The following COP1 variants were observed in gnomAD, a reference collection of about 807,000 sequenced individuals.
The protein encoded by COP1 is E3 ubiquitin-protein ligase COP1.
COP1 carries 24 observed loss-of-function variants against 101.3 expected under a neutral mutation model. That is an observed-to-expected ratio of 0.24 (90% confidence interval 0.17 to 0.33). The LOEUF (loss-of-function observed/expected upper bound fraction) is 0.33, where lower values mean the gene tolerates loss of function less well. COP1 is among the 10% of genes least tolerant of loss of function. COP1 has a pLI of 1.00. For missense variants in COP1, 663 were observed against 906.2 expected, an observed-to-expected ratio of 0.73 and a Z score of 3.45; for synonymous variants, 347 against 341.9, an observed-to-expected ratio of 1.01 and a Z score of -0.17.
chr1:176,151,877 A>G (rs558918232), intron 5 of COP1, among the ~76,000 whole-genome samples: 8 of 152,114 alleles, frequency 5.3e-5, no homozygotes, highest in African/African-American at 1.4e-4. Flanking sequence ...TTTAGTTAGC[A>G]TAAGTTCATC....
At chr1:176,181,715 C>T (rs1274108126) in intron 2 of COP1, among the ~76,000 whole-genome samples, 2 of 152,012 alleles carry the variant, frequency 1.3e-5, no homozygotes, top group Admixed American at 6.5e-5. Flanking sequence ...GTGGCACACG[C>T]CTGTAATCCC....
chr1:176,078,175 T>C (rs890395238), intron 11 of COP1, among the ~76,000 whole-genome samples: 1 of 152,070 alleles, frequency 6.6e-6, no homozygotes, highest in African/African-American at 2.4e-5. Context: ...AAAAAAGAGC[T>C]TGAATGGCCA....
chr1:176,077,025 T>C (rs981320838), intron 11 of COP1, among the ~76,000 whole-genome samples: 1 of 152,144 alleles, frequency 6.6e-6, no homozygotes, highest in Admixed American at 6.5e-5. Flanking sequence ...CTGGACCAGA[T>C]GATTCACAGA....
chr1:175,999,398 G>T (rs369680816), intron 15 of COP1, among the ~76,000 whole-genome samples: 2 of 152,032 alleles, frequency 1.3e-5, no homozygotes, highest in African/African-American at 2.4e-5. Flanking sequence ...TTTACATAAT[G>T]ATCTCCAGTT....
intron 16 of COP1, 136 bp from the exon 17 acceptor site, chr1:175,988,548 G>C (rs1350616985): frequency 3.7e-6 from 3 of 806,092 alleles, no homozygotes; most frequent in Non-Finnish European, 3.7e-6. Context: ...ACGTTCATCT[G>C]TCGGCCAGGC....
intron 3 of COP1, among the ~76,000 whole-genome samples, chr1:176,171,471 A>C (rs149786709): frequency 6.6e-6 from 1 of 152,328 alleles, no homozygotes; most frequent in East Asian, 1.9e-4. Context: ...AACTTTCTCC[A>C]TATCAGCAAT....
chr1:176,096,054 T>A (rs1269444849), intron 9 of COP1, among the ~76,000 whole-genome samples: 1 of 152,186 alleles, frequency 6.6e-6, no homozygotes, highest in Admixed American at 6.5e-5. Context: ...TTTTCCTTTT[T>A]ACCCAATAAA....
intron 18 of COP1, among the ~76,000 whole-genome samples, chr1:175,978,210 C>T (rs1450539396): frequency 1.3e-5 from 2 of 152,030 alleles, no homozygotes; most frequent in African/African-American, 2.4e-5. Context: ...TTGGCATACA[C>T]AGAACACTCT....
intron 14 of COP1, among the ~76,000 whole-genome samples, chr1:176,035,710 C>CAAAAAAAAAAAAAAAAAAAAAAAGAAA (rs71129541): frequency 1.4e-5 from 1 of 73,110 alleles, no homozygotes; most frequent in Non-Finnish European, 2.5e-5. Context: ...AAAACGAGAC[C>CAAAAAAAAAAAAAAAAAAAAAAAGAAA]AAAAAAAAAA....
chr1:176,165,559 G>A (rs1299671951), intron 3 of COP1, among the ~76,000 whole-genome samples: 1 of 152,066 alleles, frequency 6.6e-6, no homozygotes, highest in East Asian at 1.9e-4. Flanking sequence ...GCCTGACATG[G>A]TGGCACGTGC....
chr1:176,056,244 T>C (rs1328725814), intron 11 of COP1, among the ~76,000 whole-genome samples: 1 of 152,232 alleles, frequency 6.6e-6, no homozygotes, highest in African/African-American at 2.4e-5. Flanking sequence ...CCATGGACAA[T>C]TTAAAAGAAG....
chr1:176,012,123 GCAGTGTGTTAA>G (rs1384287250), intron 15 of COP1, among the ~76,000 whole-genome samples: 3 of 152,212 alleles, frequency 2.0e-5, no homozygotes, highest in Admixed American at 6.5e-5. Flanking sequence ...GTTTGAAGCT[GCAGTGTGTTAA>G]CACTGTGCCT....
chr1:175,962,201 C>T (rs1651460544), intron 18 of COP1, among the ~76,000 whole-genome samples: 2 of 152,070 alleles, frequency 1.3e-5, no homozygotes, highest in African/African-American at 2.4e-5. Flanking sequence ...CTGAAAGCAA[C>T]TGAGGAGAGC....
chr1:176,112,331 A>G, intron 9 of COP1, among the ~76,000 whole-genome samples: 1 of 150,664 alleles, frequency 6.6e-6, no homozygotes, highest in African/African-American at 2.4e-5. Flanking sequence ...TTATTATTAT[A>G]CTTTAAGTTT....
At chr1:176,012,423 G>A (rs1279657731) in intron 15 of COP1, among the ~76,000 whole-genome samples, 1 of 152,142 alleles carries the variant, frequency 6.6e-6, no homozygotes, top group Non-Finnish European at 1.5e-5. Flanking sequence ...ACCGCACCCA[G>A]CCAAGCTAAG....
At chr1:176,014,998 G>T (rs1368819218) in intron 15 of COP1, among the ~76,000 whole-genome samples, 1 of 152,118 alleles carries the variant, frequency 6.6e-6, no homozygotes, top group Non-Finnish European at 1.5e-5. Flanking sequence ...ATAACAATGA[G>T]ACAGAGAGGA....
chr1:175,997,456 T>C (rs1157440905), intron 15 of COP1, among the ~76,000 whole-genome samples: 76 of 151,910 alleles, frequency 5.0e-4, no homozygotes, highest in African/African-American at 1.4e-3. Context: ...TCAGAGTGAA[T>C]AGGCAACCTA....
rs529440299 is a variant in COP1, at chr1:175,992,460, AG to A, written c.1730-2982del. ...GGGTGAGGCATTGCCTCACTCGGGA[AG>A]CGCAAGGGGTCAGGGAGTTCCCTTT... On this transcript the variant is annotated intron_variant, in intron 15 of 19. Coordinates refer to ENST00000367669, the MANE Select transcript of COP1 (RefSeq NM_022457.7). Among the ~76,000 whole-genome samples, 16 of 152,326 alleles carry A rather than the reference AG, an allele frequency of 1.1e-4. No homozygotes were observed. In the South Asian group the frequency reaches 2.9e-3, roughly 28 times the overall value.
intron 18 of COP1, among the ~76,000 whole-genome samples, chr1:175,980,817 G>A (rs1221388962): frequency 4.6e-5 from 7 of 152,170 alleles, no homozygotes; most frequent in East Asian, 1.9e-4. Context: ...AGCTAAGTAC[G>A]TATGTTACGG....
Sources: gnomAD v4.1 joint callset for allele counts (sites outside exome capture counted in the v4.1 genomes callset) on GRCh38, gnomAD v4.1.1 for gene constraint, MANE v1.5 for transcripts, NCBI Gene and HGNC (gene_info 2026-07-23, HGNC 2026-07-21) for gene names.